Variants in RUSC2 observed in about 807,000 individuals in gnomAD.
The protein encoded by RUSC2 is AP-4 complex accessory subunit RUSC2.
RUSC2 carries 34 observed loss-of-function variants against 122.2 expected under a neutral mutation model. That is an observed-to-expected ratio of 0.28 (90% CI 0.21 to 0.37). The LOEUF (loss-of-function observed/expected upper bound fraction) is 0.37. Ranked by LOEUF, RUSC2 falls within the 10% of genes least tolerant of loss-of-function variation. RUSC2 has a pLI of 1.00. For synonymous variants in RUSC2, 784 were observed against 790.0 expected (o/e 0.99, Z 0.13); for missense variants, 1,747 against 1,952.4 (o/e 0.89, Z 1.98).
chr9:35,541,090 CTCATAGAAAGCTTT>C (rs1349375783), intron 1 of RUSC2, among the ~76,000 whole-genome samples: 1 of 152,096 alleles, frequency 6.6e-6, no homozygotes, highest in Non-Finnish European at 1.5e-5. Flanking sequence ...GAAAAGGGCT[CTCATAGAAAGCTTT>C]TCCTGATTTT....
intron 1 of RUSC2, among the ~76,000 whole-genome samples, chr9:35,499,326 A>G (rs975171172): frequency 6.6e-6 from 1 of 152,174 alleles, no homozygotes; most frequent in African/African-American, 2.4e-5. Context: ...TCATCAAGAA[A>G]AGTTAAATTA....
chr9:35,556,121 G>A lies in RUSC2; in HGVS notation c.2826G>A (p.Leu942=). 2 of 1,614,136 alleles carry A rather than the reference G, an allele frequency of 1.2e-6. No individual in the cohort carries two copies. Among genetic ancestry groups the A allele is most frequent in the Non-Finnish European group, 1.7e-6 (2 of 1,180,016 alleles). The stretch of plus-strand genomic sequence containing the variant: ...GCTCCCTCAGTGCTGCCAGCCATCT[G>A]AACTGCCGGCTGAATGGTGTGTGAG... ...FPGSLSAASH[L]NCRLNGQAVK... is the part of the protein sequence containing the mutation. The change falls in exon 4 of 12, where the codon CTG becomes CTA. Residue 942 remains leucine, a synonymous_variant. Coordinates refer to ENST00000361226, the MANE Select transcript of RUSC2 (RefSeq NM_014806.5).
chr9:35,538,076 C>A (rs1040446829), intron 1 of RUSC2, among the ~76,000 whole-genome samples: 2 of 152,206 alleles, frequency 1.3e-5, no homozygotes, highest in African/African-American at 4.8e-5. Flanking sequence ...CCCTGCCTTC[C>A]TTTCCCTGGG....
rs548595267 is a variant in RUSC2 at position 35,550,607 on chromosome 9, CAGAGTGA to C, written c.2014+2073_2014+2079del. ...TGCCACTGCACTCCAGCTTGGGAAA[CAGAGTGA>C]GACTCTGTCTCAAAAATAAAAAACA... On this transcript the variant is annotated intron_variant, in intron 2 of 11. Transcript: ENST00000361226. Among the ~76,000 whole-genome samples, 908 of 151,810 alleles carry C rather than the reference CAGAGTGA, an allele frequency of 6.0e-3. 1 individual carries two copies. Among genetic ancestry groups the C allele is most frequent in the Non-Finnish European group, 9.6e-3 (649 of 67,928 alleles).
At position 35,558,536 on chromosome 9, in the gene RUSC2, C is replaced by A; in HGVS notation, c.3310C>A (p.Arg1104Ser). 1.9e-6 allele frequency: 3 copies of A among 1,614,074 alleles called. No individual in the cohort carries two copies. The highest frequency in any genetic ancestry group is 2.5e-6 in the Non-Finnish European group (3 of 1,179,944). ...CCCAGAGCTCACCAGTCATACCATG[C>A]GCTTCAACGCCTTCATCCTCGGCCT... ...QFPELTSHTMRFNAFILGLLN... is the reference protein window; with the variant it reads ...QFPELTSHTMSFNAFILGLLN... The change falls in exon 8 of 12, where the codon CGC becomes AGC. Residue 1104 changes from arginine (R) to serine (S), a missense_variant. Transcript: ENST00000361226. The surrounding 1 kb of genome is among the most constrained non-coding windows in gnomAD (Gnocchi z 4.3).
chr9:35,498,391 TAGTC>T (rs766230667), intron 1 of RUSC2, among the ~76,000 whole-genome samples: 6 of 151,984 alleles, frequency 3.9e-5, no homozygotes, highest in African/African-American at 7.2e-5. Flanking sequence ...ATACAAAAAT[TAGTC>T]AGGCATCTTG....
chr9:35,548,060 G>T lies in RUSC2; in HGVS notation c.1539G>T (p.Ser513=), dbSNP rs762004806. 1.9e-6 allele frequency: 3 copies of T among 1,613,224 alleles called. No individual in the cohort carries two copies. The highest frequency in any genetic ancestry group is 2.2e-5 in the East Asian group (1 of 44,896). The part of the protein sequence containing the change: ...LQRSPPVRLG[S]LERMLSCPVR... ...GCAGCCCTCCTGTCCGCCTGGGCTC[G>T]CTGGAACGTATGTTGAGTTGCCCAG... The change falls in exon 2 of 12, where the codon TCG becomes TCT. Residue 513 remains serine (S), a synonymous_variant. Transcript: ENST00000361226. The surrounding 1 kb of genome is among the most constrained non-coding windows in gnomAD (Gnocchi z 4.5).
At chr9:35,536,279 T>C (rs372214113) in intron 1 of RUSC2, among the ~76,000 whole-genome samples, 2 of 152,252 alleles carry the variant, frequency 1.3e-5, no homozygotes, top group Admixed American at 6.5e-5. Flanking sequence ...TGTTTTCTTG[T>C]CTGTAAAATC....
At chr9:35,518,208 G>T (rs958878990) in intron 1 of RUSC2, among the ~76,000 whole-genome samples, 7 of 152,224 alleles carry the variant, frequency 4.6e-5, no homozygotes, top group Non-Finnish European at 1.0e-4. Flanking sequence ...TCACCAGCCT[G>T]TCTTCTTGCC....
rs1240291610 is a variant in RUSC2, at chr9:35,555,604, C to G, written c.2559C>G (p.Ser853Arg). The part of the protein sequence containing the change: ...LTEYRLHGTG[S>R]LPPLGSWRSG... ...AGTACCGGCTCCATGGAACAGGAAG[C>G]TTGCCGCCTCTGGGCTCCTGGCGAT... is the stretch of plus-strand genomic sequence containing the variant. The change falls in exon 3 of 12, where the codon AGC becomes AGG. Residue 853 changes from serine to arginine, a missense_variant. Coordinates refer to ENST00000361226, the MANE Select transcript of RUSC2 (RefSeq NM_014806.5). The surrounding 1 kb of genome is among the most constrained non-coding windows in gnomAD (Gnocchi z 4.6). 6.2e-7 allele frequency: 1 copy of G among 1,613,490 alleles called. No homozygotes were observed. Among genetic ancestry groups the G allele is most frequent in the Non-Finnish European group, 8.5e-7 (1 of 1,180,020 alleles).
In RUSC2 at chr9:35,539,574, TGC is replaced by T. The variant is rs1354786927; in HGVS notation, c.-92-6855_-92-6854del. ...CCACACACACACATACATACATACA[TGC>T]ATGCATGCATGCACATAGCTATACA... On this transcript the variant is annotated intron_variant, in intron 1 of 11. Transcript: ENST00000361226. Among the ~76,000 whole-genome samples the T allele has an allele frequency of 1.3e-3, 61 of 45,558 alleles. No homozygotes were observed. In the South Asian group the frequency reaches 0.017, roughly 12 times the overall value. 29.9% of individuals were successfully genotyped at this position (45,558 alleles called of 152,430 possible).
intron 1 of RUSC2, among the ~76,000 whole-genome samples, chr9:35,533,696 A>C (rs553182968): frequency 6.6e-6 from 1 of 152,326 alleles, no homozygotes; most frequent in East Asian, 1.9e-4. Flanking sequence ...TTGTCTGGAC[A>C]TATCATGTAA....
rs1476975021 is a variant in RUSC2 at position 35,558,896 on chromosome 9, T to C, written c.3341+329T>C. On this transcript the variant is annotated intron_variant, in intron 8 of 11. Transcript: ENST00000361226. The surrounding 1 kb of genome is among the most constrained non-coding windows in gnomAD (Gnocchi z 4.3). ...AATCCTGCTTGACCCTAAGTCCACCTTGGGACCCACATCCTAGTAACATGC... is the reference window on the plus strand; with the variant it reads ...AATCCTGCTTGACCCTAAGTCCACCCTGGGACCCACATCCTAGTAACATGC... 7.9e-5 allele frequency among the ~76,000 whole-genome samples: 12 copies of C among 152,250 alleles called. No homozygotes were observed. Among genetic ancestry groups the C allele is most frequent in the Non-Finnish European group, 1.8e-4 (12 of 68,040 alleles).
intron 1 of RUSC2, among the ~76,000 whole-genome samples, chr9:35,496,481 A>C (rs10972496): frequency 0.18 from 26,779 of 152,190 alleles, 2,929 homozygotes; most frequent in East Asian, 0.34. Flanking sequence ...TCAAGCTTGC[A>C]CTTGGCCAGC....
At chr9:35,549,302 T>TTC (rs1554643997) in intron 2 of RUSC2, 3 of 942,520 alleles carry the variant, frequency 3.2e-6, no homozygotes, top group Admixed American at 1.2e-4. Context: ...AGTTTTTTTT[T>TTC]TTTTCTTTTT....
chr9:35,555,907 T>C lies in RUSC2; in HGVS notation c.2657-45T>C. On this transcript the variant is annotated intron_variant, in intron 3 of 11. Coordinates refer to ENST00000361226, the MANE Select transcript of RUSC2 (RefSeq NM_014806.5). This position sits in a 1 kb window ranked among gnomAD's most constrained non-coding sequence, Gnocchi z 4.6. Reference sequence around the variant, plus strand: ...GTGGATGTGAAACTCTGTCTCGCTGTCTCCTGCCAACTCTTGTCTTTCTGC... The same window carrying C: ...GTGGATGTGAAACTCTGTCTCGCTGCCTCCTGCCAACTCTTGTCTTTCTGC... 6.3e-6 allele frequency: 10 copies of C among 1,593,740 alleles called. No homozygotes were observed. The highest frequency in any genetic ancestry group is 7.7e-6 in the Non-Finnish European group (9 of 1,166,902).
At position 35,490,152 on chromosome 9, in the gene RUSC2, G is replaced by T. The variant is rs942867165; in HGVS notation, c.-113G>T. ...GCCGCCGCCGCCGGCGCGGAAGGAC[G>T]AGGCTGAGGCGAGAAACGAGGTAGG... On this transcript the variant is annotated 5_prime_UTR_variant, in exon 1 of 12. Transcript: ENST00000361226. The T allele has an allele frequency of 3.8e-5, 6 of 155,894 alleles. No homozygotes were observed. Among genetic ancestry groups the T allele is most frequent in the South Asian group, 1.8e-4 (1 of 5,544 alleles). The allele number at this position is 155,894 out of a possible 1,614,324, so 9.7% of individuals were successfully genotyped here. A position where few individuals can be genotyped will look rare whatever the true frequency, so the allele number is the denominator to read the frequency against.
chr9:35,530,935 G>A (rs564615664), intron 1 of RUSC2, among the ~76,000 whole-genome samples: 1 of 152,174 alleles, frequency 6.6e-6, no homozygotes, highest in East Asian at 2.0e-4. Flanking sequence ...CACTGCGCCT[G>A]GCTGGTAGAA....
At chr9:35,496,696 T>G (rs1820721124) in intron 1 of RUSC2, among the ~76,000 whole-genome samples, 1 of 151,220 alleles carries the variant, frequency 6.6e-6, no homozygotes. Flanking sequence ...AGGTGCAAGA[T>G]CCTAGAGATC....
Sources: gnomAD v4.1 joint callset for allele counts (sites outside exome capture counted in the v4.1 genomes callset) on GRCh38, gnomAD v4.1.1 for gene constraint, Gnocchi (gnomAD v3.1) non-coding constraint, MANE v1.5 for transcripts, NCBI Gene and HGNC (gene_info 2026-07-23, HGNC 2026-07-21) for gene names.